MR1: variants seen among roughly 807,000 people sequenced by gnomAD.
MR1 encodes the protein major histocompatibility complex, class I-related.
MR1 carries 44 observed loss-of-function variants against 37.8 expected under a neutral mutation model. That is an observed-to-expected ratio of 1.16 (90% confidence interval 0.91 to 1.50). MR1 has a LOEUF of 1.50. Ranked by LOEUF, MR1 falls within the 40% of genes most tolerant of loss-of-function variation. MR1 has a pLI of 0.00. For synonymous variants in MR1, 153 were observed against 155.8 expected, an observed-to-expected ratio of 0.98 and a Z score of 0.13; for missense variants, 386 against 419.1, an observed-to-expected ratio of 0.92 and a Z score of 0.69.
intron 1 of MR1, among the ~76,000 whole-genome samples, chr1:181,045,626 C>T (rs745612604): frequency 2.2e-4 from 33 of 152,156 alleles, no homozygotes; most frequent in Non-Finnish European, 4.3e-4. Flanking sequence ...TCCTAAGGGC[C>T]CACACCAGCT....
chr1:181,057,846 A>G lies in MR1; in HGVS notation c.*2581A>G, dbSNP rs962929872. 11 of 152,206 alleles carry G rather than the reference A, an allele frequency of 7.2e-5. No individual in the cohort carries two copies. The highest frequency in any genetic ancestry group is 2.7e-4 in the African/African-American group (11 of 41,444). The allele number at this position is 152,206 out of a possible 1,614,324, so 9.4% of individuals were successfully genotyped here. On this transcript the variant is annotated 3_prime_UTR_variant, in exon 6 of 6. Coordinates refer to ENST00000367580, the MANE Select transcript of MR1 (RefSeq NM_001385161.1). ...ACCAACATGGAGAAACCCTGTCTCT[A>G]CCAAACATACAAAATTAGCCGGGGA...
intron 1 of MR1, among the ~76,000 whole-genome samples, chr1:181,040,542 G>A (rs1657502173): frequency 6.6e-6 from 1 of 152,184 alleles, no homozygotes; most frequent in Non-Finnish European, 1.5e-5. Context: ...TAAGGAGCAA[G>A]CATGACTTGT....
intron 5 of MR1, among the ~76,000 whole-genome samples, chr1:181,053,962 G>A (rs1305356495): frequency 1.3e-5 from 2 of 152,116 alleles, no homozygotes; most frequent in Admixed American, 6.5e-5. Context: ...AGAAGATATG[G>A]GGATCTTGAT....
intron 1 of MR1, among the ~76,000 whole-genome samples, chr1:181,045,292 G>A (rs1657788102): frequency 6.6e-6 from 1 of 152,150 alleles, no homozygotes; most frequent in South Asian, 2.1e-4. Flanking sequence ...GACACCGGCA[G>A]GCAGAGTAGG....
rs534023964 is a variant in MR1, at chr1:181,049,391, G to A, written c.328+79G>A. On this transcript the variant is annotated intron_variant, in intron 2 of 5. Transcript: ENST00000367580. Reference sequence around the variant, plus strand: ...ACCCCTGGGCTGGCCTCCAATAAGCGGATGCTGAATTGCACCTGCTGTAGC... The same window carrying A: ...ACCCCTGGGCTGGCCTCCAATAAGCAGATGCTGAATTGCACCTGCTGTAGC... The A allele has an allele frequency of 1.1e-4, 164 of 1,491,044 alleles. 1 individual carries two copies. The highest frequency in any genetic ancestry group is 1.5e-4 in the East Asian group (6 of 40,902). 92.4% of individuals were successfully genotyped at this position (1,491,044 alleles called of 1,614,324 possible). A position where few individuals can be genotyped will look rare whatever the true frequency, so the allele number is the denominator to read the frequency against.
intron 3 of MR1, 83 bp downstream of exon 3, chr1:181,050,369 AC>A (rs748770799): frequency 6.5e-7 from 1 of 1,550,130 alleles, no homozygotes; most frequent in Non-Finnish European, 8.9e-7. Context: ...GGTTATATCC[AC>A]TGTATCCTGA....
At chr1:181,051,292 C>G (rs1006375234) in intron 3 of MR1, 6 of 152,006 alleles carry the variant, frequency 3.9e-5, no homozygotes, top group Non-Finnish European at 8.8e-5. Flanking sequence ...AAAACACATT[C>G]CTAGAAAAGG....
intron 1 of MR1, among the ~76,000 whole-genome samples, chr1:181,040,229 GGAGA>G (rs904074704): frequency 2.6e-5 from 4 of 152,114 alleles, no homozygotes; most frequent in Non-Finnish European, 5.9e-5. Context: ...TCATGGAAAG[GGAGA>G]GAGAGACTTA....
intron 1 of MR1, among the ~76,000 whole-genome samples, chr1:181,037,861 G>T (rs1042922875): frequency 6.6e-6 from 1 of 152,102 alleles, no homozygotes; most frequent in Non-Finnish European, 1.5e-5. Flanking sequence ...TCATTCATTC[G>T]TTTTCCAAAA....
At position 181,060,045 on chromosome 1, in the gene MR1, T is replaced by C. The variant is rs1658830260; in HGVS notation, c.*4780T>C. The C allele has an allele frequency of 6.6e-6, 1 of 152,208 alleles. No individual in the cohort carries two copies. Among genetic ancestry groups the C allele is most frequent in the African/African-American group, 2.4e-5 (1 of 41,434 alleles). The allele number at this position is 152,208 out of a possible 1,614,324, so 9.4% of individuals were successfully genotyped here. On this transcript the variant is annotated 3_prime_UTR_variant, in exon 6 of 6. Coordinates refer to ENST00000367580, the MANE Select transcript of MR1 (RefSeq NM_001385161.1). The stretch of plus-strand genomic sequence containing the variant: ...ACAACAGAAATTTATTGTTTCACAG[T>C]TCTGGAGGCCAGAAGTTCAAAATGA...
At chr1:181,050,532 G>T in intron 3 of MR1, 1 of 498,530 alleles carries the variant, frequency 2.0e-6, no homozygotes, top group Non-Finnish European at 3.6e-6. Flanking sequence ...TTGTTTTTAG[G>T]GATCTATTGA....
intron 1 of MR1, among the ~76,000 whole-genome samples, chr1:181,042,058 C>G (rs1657580412): frequency 6.6e-6 from 1 of 152,108 alleles, no homozygotes; most frequent in African/African-American, 2.4e-5. Flanking sequence ...AGTTGTGTAC[C>G]TCCAGTGTAG....
Position 181,059,157 on chromosome 1 carries a change from C to T in MR1, c.*3892C>T, listed in dbSNP as rs1558125339. 1 of 152,220 alleles carries T rather than the reference C, an allele frequency of 6.6e-6. No individual in the cohort carries two copies. Among genetic ancestry groups the T allele is most frequent in the Non-Finnish European group, 1.5e-5 (1 of 68,064 alleles). 9.4% of individuals were successfully genotyped at this position (152,220 alleles called of 1,614,324 possible). On this transcript the variant is annotated 3_prime_UTR_variant, in exon 6 of 6. Transcript: ENST00000367580. ...GGTGTTTCCCACTTAACTGCATTGC[C>T]CTTTTCATCTTTTTTTTTTCCCCAA...
At chr1:181,048,711 G>A (rs2236413) in intron 1 of MR1, among the ~76,000 whole-genome samples, 28,281 of 151,998 alleles carry the variant, frequency 0.19, 2,814 homozygotes, top group East Asian at 0.39. Context: ...GCTCCCGCAG[G>A]GACAGCTCCC....
At position 181,052,391 on chromosome 1, in the gene MR1, C is replaced by T. The variant is rs1658370476; in HGVS notation, c.761C>T (p.Pro254Leu). Residue 254 changes from proline to leucine, a missense_variant, in exon 4 of 6, where the codon CCC becomes CTC. Pro to Leu is a moderately conservative substitution (Grantham distance 98). Coordinates refer to ENST00000367580, the MANE Select transcript of MR1 (RefSeq NM_001385161.1). ...GAAATTGATTATGGAGACATTCTTC[C>T]CAGTGGGGATGGAACCTATCAGGCG... Reference protein sequence around the residue: ...VQEIDYGDILPSGDGTYQAWA... With the variant: ...VQEIDYGDILLSGDGTYQAWA... The T allele has an allele frequency of 6.2e-7, 1 of 1,614,010 alleles. No individual in the cohort carries two copies. The highest frequency in any genetic ancestry group is 1.3e-5 in the African/African-American group (1 of 74,892).
rs759433544 is a variant in MR1 at position 181,036,789 on chromosome 1, GC to G, written c.67+2718del. ...TTCTTATTTCTCTGGTATACCTAGT[GC>G]CCAACAGGCACTTAGTAAATGTTTG... On this transcript the variant is annotated intron_variant, in intron 1 of 5. Coordinates refer to ENST00000367580, the MANE Select transcript of MR1 (RefSeq NM_001385161.1). 1.2e-4 allele frequency among the ~76,000 whole-genome samples: 18 copies of G among 152,306 alleles called. No individual in the cohort carries two copies. The South Asian group carries it at 1.2e-3, about 11-fold the overall frequency.
At chr1:181,054,821 A>G (rs1223129798) in intron 5 of MR1, among the ~76,000 whole-genome samples, 2 of 152,212 alleles carry the variant, frequency 1.3e-5, no homozygotes, top group Non-Finnish European at 2.9e-5. Context: ...AGATCGCTCC[A>G]TTGCACTCCA....
chr1:181,042,547 A>T (rs1025806832), intron 1 of MR1, among the ~76,000 whole-genome samples: 1 of 148,114 alleles, frequency 6.8e-6, no homozygotes, highest in African/African-American at 2.5e-5. Flanking sequence ...CACGCCTGTA[A>T]TCCCAGCACT....
intron 1 of MR1, among the ~76,000 whole-genome samples, chr1:181,044,850 T>C (rs950947608): frequency 2.6e-5 from 4 of 152,080 alleles, no homozygotes; most frequent in African/African-American, 7.2e-5. Flanking sequence ...GGTGTTTAAT[T>C]GTGGGAGGCC....
Sources: gnomAD v4.1 joint callset for allele counts (sites outside exome capture counted in the v4.1 genomes callset) on GRCh38, gnomAD v4.1.1 for gene constraint, MANE v1.5 for transcripts, NCBI Gene and HGNC (gene_info 2026-07-23, HGNC 2026-07-21) for gene names.